Variants in SYT1 observed in about 807,000 individuals in gnomAD.
The protein encoded by SYT1 is synaptotagmin-1.
In SYT1, 8 loss-of-function variants were observed where a neutral mutation model predicts 44.8. The ratio of observed to expected loss-of-function variants is 0.18; its 90% CI spans 0.10 to 0.32. The LOEUF is 0.32. Among genes scored for constraint, SYT1 ranks in the 10% least tolerant of loss-of-function variants. The pLI is 1.00. For missense variants in SYT1, 286 were observed against 509.3 expected (o/e 0.56, Z 4.22); for synonymous variants, 154 against 188.8 (o/e 0.82, Z 1.51).
At chr12:79,135,099 T>C (rs572823379) in intron 3 of SYT1, among the ~76,000 whole-genome samples, 196 of 152,274 alleles carry the variant, frequency 1.3e-3, no homozygotes, top group African/African-American at 4.5e-3. Flanking sequence ...ATTAAGTGCA[T>C]ATACTTTTTT....
chr12:79,327,623 C>G (rs1336032337), intron 8 of SYT1, among the ~76,000 whole-genome samples: 1 of 152,198 alleles, frequency 6.6e-6, no homozygotes, highest in Admixed American at 6.5e-5. Context: ...TCTGATGATT[C>G]ACTTCAACAA....
At chr12:79,230,353 T>C (rs1269027046) in intron 4 of SYT1, among the ~76,000 whole-genome samples, 1 of 152,190 alleles carries the variant, frequency 6.6e-6, no homozygotes. Context: ...TTTCATTGTG[T>C]CTTATTGTAT....
chr12:79,157,406 C>A (rs1245193289), intron 3 of SYT1, among the ~76,000 whole-genome samples: 1 of 152,182 alleles, frequency 6.6e-6, no homozygotes, highest in South Asian at 2.1e-4. Context: ...TCAGAATCAA[C>A]CTCCATCCCG....
chr12:79,167,509 T>G (rs1231821305), intron 3 of SYT1, among the ~76,000 whole-genome samples: 2 of 152,008 alleles, frequency 1.3e-5, no homozygotes, highest in Non-Finnish European at 2.9e-5. Context: ...GCTTATATAC[T>G]TGAGAAACAT....
chr12:79,417,352 T>G (rs1023933039), intron 9 of SYT1, among the ~76,000 whole-genome samples: 2 of 152,110 alleles, frequency 1.3e-5, no homozygotes, highest in Non-Finnish European at 1.5e-5. Flanking sequence ...CATGTAGTAA[T>G]ATGCCCTGTT....
At chr12:79,246,133 A>C (rs1472421143) in intron 4 of SYT1, among the ~76,000 whole-genome samples, 1 of 152,208 alleles carries the variant, frequency 6.6e-6, no homozygotes, top group African/African-American at 2.4e-5. Context: ...AAAATATTTT[A>C]TGGAAATTAT....
intron 4 of SYT1, among the ~76,000 whole-genome samples, chr12:79,230,559 T>A (rs1409742624): frequency 6.6e-6 from 1 of 152,208 alleles, no homozygotes; most frequent in East Asian, 1.9e-4. Flanking sequence ...TAATACTGAT[T>A]TTAAAAAACA....
At chr12:79,202,775 A>G (rs1213597683) in intron 3 of SYT1, among the ~76,000 whole-genome samples, 2 of 152,232 alleles carry the variant, frequency 1.3e-5, no homozygotes, top group African/African-American at 4.8e-5. Flanking sequence ...GGAATGCAAT[A>G]TATAAAACTG....
rs1879612452 is a variant in SYT1, at chr12:79,292,026, G to A, written c.370G>A (p.Ala124Thr). Residue 124 changes from alanine to threonine, a missense_variant, in exon 6 of 11, where the codon GCT becomes ACT. Transcript: ENST00000261205. ...TACATAGGCCCTCAAGGATGATGAT[G>A]CTGAAACTGGATTGACAGATGGAGA... ...MKDQALKDDD[A>T]ETGLTDGEEK... is the part of the protein sequence containing the mutation. The A allele has an allele frequency of 1.2e-6, 2 of 1,613,838 alleles. No individual in the cohort carries two copies. The highest frequency in any genetic ancestry group is 1.7e-5 in the Admixed American group (1 of 59,980).
Position 79,384,842 on chromosome 12 carries a change from G to C in SYT1, c.928+31223G>C, listed in dbSNP as rs151017294. 1.7e-3 allele frequency among the ~76,000 whole-genome samples: 256 copies of C among 152,236 alleles called. 1 individual carries two copies. The highest frequency in any genetic ancestry group is 5.9e-3 in the African/African-American group (244 of 41,538). On this transcript the variant is annotated intron_variant, in intron 9 of 10. Transcript: ENST00000261205. ...TTTGGTTGGCTTTCTCCTGAGTTAC[G>C]TAAGATGTTATGTTCCTGATCTGTT...
In SYT1 at chr12:78,955,639, C is replaced by G. The variant is rs968961370; in HGVS notation, c.-216-22160C>G. ...TGAGGGCAGAGCCCCCCCAAAGGCC[C>G]ACCTCTTAATGCCATTTTTGGAGAC... On this transcript the variant is annotated intron_variant, in intron 1 of 10. Transcript: ENST00000261205. 6 of 152,042 alleles carry G rather than the reference C, an allele frequency of 3.9e-5. No homozygotes were observed. The East Asian group carries it at 5.8e-4, about 15-fold the overall frequency. The allele number at this position is 152,042 out of a possible 1,614,324, so 9.4% of individuals were successfully genotyped here.
chr12:79,012,131 CAAAAA>C (rs374383589), intron 2 of SYT1, among the ~76,000 whole-genome samples: 2 of 73,494 alleles, frequency 2.7e-5, no homozygotes, highest in Non-Finnish European at 3.0e-5. Flanking sequence ...GATTCTGTCT[CAAAAA>C]AAAAAAAAAA....
intron 2 of SYT1, among the ~76,000 whole-genome samples, chr12:79,014,710 G>A (rs1312403459): frequency 6.6e-6 from 1 of 151,962 alleles, no homozygotes; most frequent in African/African-American, 2.4e-5. Context: ...CCTATTACTG[G>A]GTATATACCC....
chr12:79,318,271 G>A (rs1215086417), intron 8 of SYT1, among the ~76,000 whole-genome samples: 1 of 152,156 alleles, frequency 6.6e-6, no homozygotes, highest in African/African-American at 2.4e-5. Flanking sequence ...TAGTCACCGG[G>A]TGACCCGTAC....
In SYT1 at chr12:79,292,037, A is replaced by C. The variant is rs985521415; in HGVS notation, c.381A>C (p.Gly127=). The stretch of plus-strand genomic sequence containing the variant: ...TCAAGGATGATGATGCTGAAACTGG[A>C]TTGACAGATGGAGAAGAAAAAGAAG... ...QALKDDDAET[G]LTDGEEKEEP... is the part of the protein sequence containing the mutation. Residue 127 remains glycine (G), a synonymous_variant, in exon 6 of 11, where the codon GGA becomes GGC. Transcript: ENST00000261205. The C allele has an allele frequency of 2.4e-5, 39 of 1,613,928 alleles. No individual in the cohort carries two copies. The highest frequency in any genetic ancestry group is 3.1e-5 in the Non-Finnish European group (37 of 1,180,006).
chr12:79,331,901 C>A (rs1168488722), intron 8 of SYT1, among the ~76,000 whole-genome samples: 1 of 152,020 alleles, frequency 6.6e-6, no homozygotes, highest in Non-Finnish European at 1.5e-5. Context: ...GATCATTTTT[C>A]TCATTTACAT....
chr12:79,179,520 T>TATATCG (rs1872356048), intron 3 of SYT1, among the ~76,000 whole-genome samples: 6 of 11,984 alleles, frequency 5.0e-4, no homozygotes, highest in African/African-American at 3.5e-3. Flanking sequence ...TAGATATATC[T>TATATCG]ATATAGATAT....
chr12:79,190,071 T>C (rs1873022144), intron 3 of SYT1, among the ~76,000 whole-genome samples: 1 of 152,160 alleles, frequency 6.6e-6, no homozygotes, highest in African/African-American at 2.4e-5. Context: ...TCAGTCTAGA[T>C]GACTAATGCA....
At chr12:79,412,091 G>A (rs1868466567) in intron 9 of SYT1, among the ~76,000 whole-genome samples, 1 of 152,026 alleles carries the variant, frequency 6.6e-6, no homozygotes, top group African/African-American at 2.4e-5. Context: ...CTTGGAAGAG[G>A]GCCACACAGG....
Sources: gnomAD v4.1 joint callset for allele counts (sites outside exome capture counted in the v4.1 genomes callset) on GRCh38, gnomAD v4.1.1 for gene constraint, MANE v1.5 for transcripts, NCBI Gene and HGNC (gene_info 2026-07-23, HGNC 2026-07-21) for gene names.